The following TACC2 variants were observed in gnomAD, a reference collection of about 807,000 sequenced individuals.
TACC2 encodes the protein transforming acidic coiled-coil containing protein 2.
TACC2 carries 137 observed loss-of-function variants against 227.3 expected under a neutral mutation model. That is an observed-to-expected ratio of 0.60 (90% CI 0.52 to 0.69). The LOEUF (loss-of-function observed/expected upper bound fraction) is 0.69. Ranked by LOEUF, TACC2 falls within the 30% of genes least tolerant of loss-of-function variation. The pLI is 0.00. For synonymous variants in TACC2, 1,523 were observed against 1,487.5 expected, an observed-to-expected ratio of 1.02 and a Z score of -0.55; for missense variants, 3,470 against 3,694.4, an observed-to-expected ratio of 0.94 and a Z score of 1.57.
chr10:122,093,301 C>G (rs2081031837), intron 5 of TACC2, among the ~76,000 whole-genome samples: 1 of 152,152 alleles, frequency 6.6e-6, no homozygotes, highest in African/African-American at 2.4e-5. Context: ...CTGGCTGGAC[C>G]TGAAAGCCTC....
intron 6 of TACC2, among the ~76,000 whole-genome samples, chr10:122,135,838 C>T (rs752346481): frequency 1.6e-4 from 25 of 152,358 alleles, no homozygotes; most frequent in Middle Eastern, 6.8e-3. Flanking sequence ...GGCTCTGGCA[C>T]TGCAAACAAG....
At chr10:122,236,689 C>T (rs2095863355) in intron 16 of TACC2, among the ~76,000 whole-genome samples, 1 of 152,192 alleles carries the variant, frequency 6.6e-6, no homozygotes, top group African/African-American at 2.4e-5. Flanking sequence ...TGGATCATGC[C>T]ACTTGTTCAG....
At chr10:122,007,902 AAC>A (rs1404110328) in intron 1 of TACC2, among the ~76,000 whole-genome samples, 33 of 152,138 alleles carry the variant, frequency 2.2e-4, no homozygotes, top group African/African-American at 7.7e-4. Flanking sequence ...GTTAGTTATC[AAC>A]AGAGTGGGCC....
chr10:122,227,364 C>T (rs568856796), intron 13 of TACC2, among the ~76,000 whole-genome samples: 101 of 152,304 alleles, frequency 6.6e-4, no homozygotes, highest in African/African-American at 2.2e-3. Context: ...ACTTCTCAGA[C>T]TTACAAAAGA....
intron 11 of TACC2, among the ~76,000 whole-genome samples, chr10:122,219,018 C>CAAAAAAAAA (rs61446434): frequency 5.4e-5 from 4 of 74,676 alleles, no homozygotes; most frequent in East Asian, 4.2e-4. Flanking sequence ...AGACTCGTCT[C>CAAAAAAAAA]AAAAAAAAAA....
In TACC2 at chr10:122,086,878, G is replaced by T; in HGVS notation, c.4378G>T (p.Val1460Phe). The T allele has an allele frequency of 6.2e-7, 1 of 1,613,954 alleles. No homozygotes were observed. The highest frequency in any genetic ancestry group is 2.2e-5 in the East Asian group (1 of 44,874). Residue 1460 changes from valine (V) to phenylalanine (F), a missense_variant, in exon 4 of 23, where the codon GTC becomes TTC. Coordinates refer to ENST00000369005, the MANE Select transcript of TACC2 (RefSeq NM_206862.4). The stretch of plus-strand genomic sequence containing the variant: ...TCTAGATGGGCCTCCAGGAGTGGAT[G>T]TCACCCTTCTCCCTGCACCTCCTGC... ...KLLDGPPGVD[V>F]TLLPAPPARL...
Position 122,087,174 on chromosome 10 carries a change from A to G in TACC2, c.4674A>G (p.Ser1558=). Residue 1558 remains serine, a synonymous_variant, in exon 4 of 23, where the codon TCA becomes TCG. Coordinates refer to ENST00000369005, the MANE Select transcript of TACC2 (RefSeq NM_206862.4). The stretch of plus-strand genomic sequence containing the variant: ...AGAGGAGCAGGCAGGAATTAGCTTC[A>G]GGTCTTCCTTCACCAGCAGCTACTC... ...QLERSRQELA[S]GLPSPAATQE... 1.9e-6 allele frequency: 3 copies of G among 1,611,328 alleles called. No individual in the cohort carries two copies. Among genetic ancestry groups the G allele is most frequent in the Non-Finnish European group, 2.5e-6 (3 of 1,179,136 alleles).
intron 5 of TACC2, among the ~76,000 whole-genome samples, chr10:122,107,601 AAAT>A (rs145389566): frequency 0.091 from 13,748 of 151,860 alleles, 768 homozygotes; most frequent in East Asian, 0.24. Flanking sequence ...CAAACAAACA[AAAT>A]AATAATAATA....
rs77424059 is a variant in TACC2 at position 122,252,392 on chromosome 10, T to C, written c.8782-1599T>C. 3.7e-4 allele frequency among the ~76,000 whole-genome samples: 56 copies of C among 151,970 alleles called. No individual in the cohort carries two copies. The East Asian group carries it at 0.01, about 27-fold the overall frequency. ...GGAGGCCAGAGTGCCTGGGATGTCT[T>C]CAGCATGGTGAGCAGCTCACGGTGG... is the stretch of plus-strand genomic sequence containing the variant. On this transcript the variant is annotated intron_variant, in intron 22 of 22. Coordinates refer to ENST00000369005, the MANE Select transcript of TACC2 (RefSeq NM_206862.4).
intron 5 of TACC2, among the ~76,000 whole-genome samples, chr10:122,132,066 AAAAG>A (rs1179350569): frequency 1.0e-4 from 6 of 58,250 alleles, no homozygotes; most frequent in African/African-American, 3.4e-4. Context: ...GAAAGAAAGA[AAAAG>A]AAAGAAAGAA....
chr10:122,052,354 T>C (rs1483432467), intron 3 of TACC2: 1 of 152,026 alleles, frequency 6.6e-6, no homozygotes, highest in African/African-American at 2.4e-5. Context: ...TTCCCCAGCT[T>C]TAGTCAATTA....
At chr10:122,143,295 G>A (rs2090906694) in intron 6 of TACC2, among the ~76,000 whole-genome samples, 1 of 152,126 alleles carries the variant, frequency 6.6e-6, no homozygotes, top group Non-Finnish European at 1.5e-5. Context: ...AGCGTGTCCT[G>A]GACACCTGAG....
At chr10:122,037,096 G>T (rs1960647343) in intron 2 of TACC2, among the ~76,000 whole-genome samples, 1 of 152,176 alleles carries the variant, frequency 6.6e-6, no homozygotes, top group South Asian at 2.1e-4. Context: ...GCCACATAAG[G>T]TTCTGGAAAA....
At chr10:122,061,971 G>A (rs2076869951) in intron 3 of TACC2, among the ~76,000 whole-genome samples, 1 of 150,926 alleles carries the variant, frequency 6.6e-6, no homozygotes, top group South Asian at 2.1e-4. Flanking sequence ...AGATCCACAG[G>A]AAACAGAATT....
Position 122,137,511 on chromosome 10 carries a change from C to T in TACC2, c.5699+4777C>T, listed in dbSNP as rs565889526. 2.2e-4 allele frequency among the ~76,000 whole-genome samples: 34 copies of T among 152,230 alleles called. No homozygotes were observed. In the South Asian group the frequency reaches 3.9e-3, roughly 18 times the overall value. On this transcript the variant is annotated intron_variant, in intron 6 of 22. Coordinates refer to ENST00000369005, the MANE Select transcript of TACC2 (RefSeq NM_206862.4). ...GAATGGTTTTTTCAATGAAACCTTCCAGCTGCTGTACCACTATGTATTAAG... is the reference window on the plus strand; with the variant it reads ...GAATGGTTTTTTCAATGAAACCTTCTAGCTGCTGTACCACTATGTATTAAG...
At chr10:122,176,519 C>T (rs1186628778) in intron 7 of TACC2, among the ~76,000 whole-genome samples, 3 of 152,102 alleles carry the variant, frequency 2.0e-5, no homozygotes, top group Admixed American at 2.0e-4. Context: ...TGCTGGTGCT[C>T]ATAGCTCATC....
intron 16 of TACC2, 102 bp downstream of exon 16, chr10:122,230,542 G>A (rs2095717509): frequency 9.3e-7 from 1 of 1,071,414 alleles, no homozygotes; most frequent in Non-Finnish European, 1.4e-6. Flanking sequence ...GGCATCATCG[G>A]TGTCCAGCAA....
At chr10:122,078,452 G>A (rs2079083203) in intron 3 of TACC2, among the ~76,000 whole-genome samples, 1 of 152,054 alleles carries the variant, frequency 6.6e-6, no homozygotes, top group Admixed American at 6.6e-5. Context: ...TCAGACCTTG[G>A]TTGTGGCAGA....
intron 11 of TACC2, among the ~76,000 whole-genome samples, chr10:122,221,164 C>T (rs1326669797): frequency 6.6e-6 from 1 of 152,250 alleles, no homozygotes; most frequent in African/African-American, 2.4e-5. Context: ...ATTGTATCAA[C>T]TCACTAGGAT....
Sources: gnomAD v4.1 joint callset for allele counts (sites outside exome capture counted in the v4.1 genomes callset) on GRCh38, gnomAD v4.1.1 for gene constraint, MANE v1.5 for transcripts, NCBI Gene and HGNC (gene_info 2026-07-23, HGNC 2026-07-21) for gene names.